The following DNAJC21 variants were observed in gnomAD, a reference collection of about 807,000 sequenced individuals.
DNAJC21 encodes the protein DnaJ heat shock protein family (Hsp40) member C21.
A neutral mutation model predicts 72.4 loss-of-function variants in DNAJC21; 63 were observed. That is an observed-to-expected ratio of 0.87 (90% CI 0.71 to 1.07). DNAJC21 has a LOEUF of 1.07. Among genes scored for constraint, DNAJC21 ranks in the 50% least tolerant of loss-of-function variants. The pLI, the probability that DNAJC21 is intolerant of heterozygous loss-of-function variation, is 0.00. For missense variants in DNAJC21, 634 were observed against 644.8 expected (o/e 0.98, Z 0.18); for synonymous variants, 203 against 216.7 (o/e 0.94, Z 0.56).
At chr5:34,948,668 C>T (rs570972923) in intron 9 of DNAJC21, among the ~76,000 whole-genome samples, 1 of 152,308 alleles carries the variant, frequency 6.6e-6, no homozygotes, top group Non-Finnish European at 1.5e-5. Context: ...AGTTCAAGAT[C>T]AGCTTGGCCA....
At position 34,933,914 on chromosome 5, in the gene DNAJC21, C is replaced by A; in HGVS notation, c.191+6C>A. The A allele has an allele frequency of 1.2e-6, 2 of 1,612,118 alleles. No individual in the cohort carries two copies. The highest frequency in any genetic ancestry group is 8.5e-7 in the Non-Finnish European group (1 of 1,178,892). On this transcript the variant is annotated splice_donor_region_variant and intron_variant, in intron 2 of 11. Transcript: ENST00000648817. ...GACCCTCAGGAAAGAGCATGGTGAG[C>A]ATCACGCTGTCCTTCCCATCCTAGT...
At chr5:34,932,303 C>T (rs1764624471) in intron 1 of DNAJC21, among the ~76,000 whole-genome samples, 2 of 152,022 alleles carry the variant, frequency 1.3e-5, no homozygotes, top group African/African-American at 4.8e-5. Flanking sequence ...CGCCTGTGGT[C>T]CCAGCCACTT....
chr5:34,952,918 A>G (rs527880051), intron 10 of DNAJC21, among the ~76,000 whole-genome samples: 6 of 152,224 alleles, frequency 3.9e-5, no homozygotes, highest in African/African-American at 1.4e-4. Context: ...TGGAAAGCCA[A>G]GGCGGGTGGA....
chr5:34,938,174 C>T (rs1240526359), intron 5 of DNAJC21, among the ~76,000 whole-genome samples: 4 of 152,180 alleles, frequency 2.6e-5, no homozygotes. Context: ...TTTTGTAAAA[C>T]TTAATAATTT....
chr5:34,948,594 C>T (rs553033201), intron 9 of DNAJC21, among the ~76,000 whole-genome samples: 15 of 152,284 alleles, frequency 9.9e-5, no homozygotes, highest in East Asian at 7.7e-4. Flanking sequence ...TGGCCAGGTG[C>T]GGTGGCTCAC....
At position 34,956,149 on chromosome 5, in the gene DNAJC21, T is replaced by G. The variant is rs915808366; in HGVS notation, c.*1435T>G. 3.9e-5 allele frequency: 6 copies of G among 152,518 alleles called. No homozygotes were observed. Among genetic ancestry groups the G allele is most frequent in the Non-Finnish European group, 7.3e-5 (5 of 68,034 alleles). The allele number at this position is 152,518 out of a possible 1,614,324, so 9.4% of individuals were successfully genotyped here. A position where few individuals can be genotyped will look rare whatever the true frequency, so the allele number is the denominator to read the frequency against. On this transcript the variant is annotated 3_prime_UTR_variant, in exon 12 of 12. Coordinates refer to ENST00000648817, the MANE Select transcript of DNAJC21 (RefSeq NM_001012339.3). ...TGAAGTTATTGCTTTCCATATATCCTTGAATCTTCAGATTAACGAAATGAA... is the reference window on the plus strand; with the variant it reads ...TGAAGTTATTGCTTTCCATATATCCGTGAATCTTCAGATTAACGAAATGAA...
chr5:34,934,838 A>G (rs1394330365), intron 2 of DNAJC21, among the ~76,000 whole-genome samples: 2 of 152,248 alleles, frequency 1.3e-5, no homozygotes, highest in African/African-American at 4.8e-5. Context: ...GAAAGGCTGC[A>G]AAGAAAATTC....
In DNAJC21 at chr5:34,936,215, A is replaced by G. The variant is rs1401586766; in HGVS notation, c.387A>G (p.Glu129=). 6.2e-7 allele frequency: 1 copy of G among 1,614,130 alleles called. No individual in the cohort carries two copies. Residue 129 remains glutamate, a synonymous_variant, in exon 4 of 12, where the codon GAA becomes GAG. Transcript: ENST00000648817. The part of the protein sequence containing the change: ...AKEELESVLE[E]EVDDFPTFGD... ...AAGAACTAGAATCTGTGTTAGAGGA[A>G]GAGGTTGATGATTTCCCAACTTTTG...
At position 34,954,484 on chromosome 5, in the gene DNAJC21, A is replaced by G. The variant is rs1032129270; in HGVS notation, c.1435-69A>G. On this transcript the variant is annotated intron_variant, in intron 11 of 11. Transcript: ENST00000648817. ...CAATTGTTTGATGCTTAATCTTGAT[A>G]TTAAAACCTAAAACACTACTTTCAA... 4.5e-5 allele frequency: 66 copies of G among 1,480,642 alleles called. 1 individual carries two copies. Among genetic ancestry groups the G allele is most frequent in the Middle Eastern group, 3.6e-4 (2 of 5,544 alleles). The allele number at this position is 1,480,642 out of a possible 1,614,324, so 91.7% of individuals were successfully genotyped here. A position where few individuals can be genotyped will look rare whatever the true frequency, so the allele number is the denominator to read the frequency against.
chr5:34,953,767 T>G (rs1174714217), intron 10 of DNAJC21, 159 bp from the exon 11 acceptor site: 2 of 431,190 alleles, frequency 4.6e-6, no homozygotes, highest in African/African-American at 2.0e-5. Context: ...TTTAAAGATG[T>G]TCATTTAAGA....
intron 2 of DNAJC21, among the ~76,000 whole-genome samples, chr5:34,934,874 C>G (rs1764719990): frequency 6.6e-6 from 1 of 152,202 alleles, no homozygotes; most frequent in Non-Finnish European, 1.5e-5. Flanking sequence ...TCATAAGAAA[C>G]TCAGAGAGAG....
chr5:34,950,440 C>T, intron 10 of DNAJC21, 98 bp downstream of exon 10: 2 of 1,472,126 alleles, frequency 1.4e-6, no homozygotes, highest in East Asian at 2.5e-5. Context: ...CCATGACTGA[C>T]CAGGTAATTT....
chr5:34,945,570 A>G (rs1282869869), intron 8 of DNAJC21, among the ~76,000 whole-genome samples, 191 bp from the exon 9 acceptor site: 1 of 152,210 alleles, frequency 6.6e-6, no homozygotes, highest in Non-Finnish European at 1.5e-5. Flanking sequence ...CCATTGAACT[A>G]CAGCCTTGTG....
In DNAJC21 at chr5:34,938,371, G is replaced by C. The variant is rs115832199; in HGVS notation, c.744-487G>C. 4.4e-3 allele frequency among the ~76,000 whole-genome samples: 672 copies of C among 152,246 alleles called. 6 individuals carry two copies. The highest frequency in any genetic ancestry group is 5.2e-3 in the Non-Finnish European group (354 of 68,018). Reference sequence around the variant, plus strand: ...ATTGAACCTGAGAATTCTGACTCCAGACTTTCCTGCTTTAGCCACCGTGCA... The same window carrying C: ...ATTGAACCTGAGAATTCTGACTCCACACTTTCCTGCTTTAGCCACCGTGCA... On this transcript the variant is annotated intron_variant, in intron 5 of 11. Transcript: ENST00000648817.
rs115542335 is a variant in DNAJC21, at chr5:34,942,545, A to G, written c.983+1362A>G. On this transcript the variant is annotated intron_variant, in intron 7 of 11. Coordinates refer to ENST00000648817, the MANE Select transcript of DNAJC21 (RefSeq NM_001012339.3). ...GAAACAAGCAAGAAAAAGGTCAACA[A>G]TGAAGGAGATTAAAAATTTTTTTTT... Among the ~76,000 whole-genome samples the G allele has an allele frequency of 2.1e-3, 319 of 152,240 alleles. 2 individuals carry two copies. Among genetic ancestry groups the G allele is most frequent in the African/African-American group, 6.5e-3 (270 of 41,540 alleles).
chr5:34,945,370 G>A (rs1010456311), intron 8 of DNAJC21, among the ~76,000 whole-genome samples: 3 of 152,146 alleles, frequency 2.0e-5, no homozygotes, highest in Non-Finnish European at 2.9e-5. Flanking sequence ...GAGCCACTGC[G>A]CCCGGCCTTA....
rs1158573155 is a variant in DNAJC21 at position 34,945,012 on chromosome 5, G to A, written c.1129G>A (p.Ala377Thr). 6.2e-7 allele frequency: 1 copy of A among 1,612,612 alleles called. No homozygotes were observed. Among genetic ancestry groups the A allele is most frequent in the African/African-American group, 1.3e-5 (1 of 74,732 alleles). ...DDNSEEEMED[A>T]PKQKLSKKQK... Reference sequence around the variant, plus strand: ...CAATTCTGAGGAAGAAATGGAAGATGCACCAAAACAAAAGTACTTCTAAAT... The same window carrying A: ...CAATTCTGAGGAAGAAATGGAAGATACACCAAAACAAAAGTACTTCTAAAT... The change falls in exon 8 of 12, where the codon GCA becomes ACA. Residue 377 changes from alanine to threonine, a missense_variant. Transcript: ENST00000648817.
intron 7 of DNAJC21, among the ~76,000 whole-genome samples, chr5:34,943,863 T>C (rs955427596): frequency 2.6e-5 from 4 of 152,234 alleles, no homozygotes; most frequent in African/African-American, 9.6e-5. Flanking sequence ...CTTTTCATGC[T>C]CAAATTTTTC....
Position 34,954,642 on chromosome 5 carries a change from A to AG in DNAJC21, c.1525dup (p.Ala509GlyfsTer13). ...ATCTAAAGGCCACAGGTCATGCAAG[A>AG]GCACCTTCATCATCGTCTTTAAACA... On this transcript the variant is annotated frameshift_variant, in exon 12 of 12. Transcript: ENST00000648817. LOFTEE classifies it high-confidence loss of function. 6.2e-7 allele frequency: 1 copy of AG among 1,613,796 alleles called. No homozygotes were observed. The highest frequency in any genetic ancestry group is 8.5e-7 in the Non-Finnish European group (1 of 1,179,892).
Sources: gnomAD v4.1 joint callset for allele counts (sites outside exome capture counted in the v4.1 genomes callset) on GRCh38, gnomAD v4.1.1 for gene constraint, MANE v1.5 for transcripts, NCBI Gene and HGNC (gene_info 2026-07-23, HGNC 2026-07-21) for gene names.